The following NSD3 variants were observed in gnomAD, a reference collection of about 807,000 sequenced individuals.
The protein encoded by NSD3 is histone-lysine N-methyltransferase NSD3.
Under a neutral mutation model 160.8 loss-of-function variants are expected in NSD3, and 24 were observed. The ratio of observed to expected loss-of-function variants is 0.15; its 90% CI spans 0.11 to 0.21. The LOEUF is 0.21. Ranked by LOEUF, NSD3 falls within the 10% of genes least tolerant of loss-of-function variation. NSD3 has a pLI of 1.00. For missense variants in NSD3, 1,157 were observed against 1,735.9 expected, an observed-to-expected ratio of 0.67 and a Z score of 5.93; for synonymous variants, 520 against 600.0, an observed-to-expected ratio of 0.87 and a Z score of 1.95.
At chr8:38,286,525 CTG>C (rs2130989615) in intron 19 of NSD3, among the ~76,000 whole-genome samples, 1 of 152,304 alleles carries the variant, frequency 6.6e-6, no homozygotes, top group Admixed American at 6.5e-5. Flanking sequence ...CCCATATTAA[CTG>C]TGAGATAATA....
chr8:38,305,247 C>T lies in NSD3; in HGVS notation c.2440+1G>A. On this transcript the variant is annotated splice_donor_variant, in intron 13 of 23. Coordinates refer to ENST00000317025, the MANE Select transcript of NSD3 (RefSeq NM_023034.2). LOFTEE classifies it high-confidence loss of function. The stretch of plus-strand genomic sequence containing the variant: ...TTTGTCTCCTTCTTCAGCTGTTTTA[C>T]CTTTACTTGCTTTGTGGATATCTTT... 1 of 1,613,608 alleles carries T rather than the reference C, an allele frequency of 6.2e-7. No homozygotes were observed. The highest frequency in any genetic ancestry group is 8.5e-7 in the Non-Finnish European group (1 of 1,179,782).
intron 1 of NSD3, among the ~76,000 whole-genome samples, chr8:38,354,265 C>T (rs1810770450): frequency 6.6e-6 from 1 of 152,154 alleles, no homozygotes; most frequent in South Asian, 2.1e-4. Context: ...GACAACTGGC[C>T]TGGGCTCTTC....
chr8:38,372,890 A>G (rs529205403), intron 1 of NSD3, among the ~76,000 whole-genome samples: 1 of 149,936 alleles, frequency 6.7e-6, no homozygotes, highest in African/African-American at 2.4e-5. Flanking sequence ...GTCTCTACTA[A>G]AACTACAAAA....
rs1000431558 is a variant in NSD3 at position 38,270,684 on chromosome 8, A to T, written c.*4957T>A. 3 of 152,232 alleles carry T rather than the reference A, an allele frequency of 2.0e-5. No homozygotes were observed. Among genetic ancestry groups the T allele is most frequent in the African/African-American group, 7.2e-5 (3 of 41,458 alleles). 9.4% of individuals were successfully genotyped at this position (152,232 alleles called of 1,614,324 possible). On this transcript the variant is annotated 3_prime_UTR_variant, in exon 24 of 24. Transcript: ENST00000317025. ...AAGTGTGTTGGCAGGCAGGGAGGGG[A>T]GCAGTAAAAGCTGAGGGTGCTTTCT...
intron 7 of NSD3, among the ~76,000 whole-genome samples, chr8:38,324,390 CT>C (rs1342469737): frequency 1.3e-4 from 20 of 152,260 alleles, no homozygotes; most frequent in African/African-American, 4.8e-4. Context: ...AGCCCAAGTA[CT>C]TTTGTGAACA....
At chr8:38,302,568 T>C (rs1809301917) in intron 14 of NSD3, among the ~76,000 whole-genome samples, 1 of 152,232 alleles carries the variant, frequency 6.6e-6, no homozygotes, top group African/African-American at 2.4e-5. Flanking sequence ...TTGTTAAACA[T>C]GGGTTTTCCC....
chr8:38,321,979 C>A lies in NSD3; in HGVS notation c.1709-807G>T, dbSNP rs1039381605. 2.0e-5 allele frequency among the ~76,000 whole-genome samples: 3 copies of A among 152,168 alleles called. No homozygotes were observed. Among genetic ancestry groups the A allele is most frequent in the African/African-American group, 7.2e-5 (3 of 41,422 alleles). On this transcript the variant is annotated intron_variant, in intron 7 of 23. Transcript: ENST00000317025. This position sits in a 1 kb window ranked among gnomAD's most constrained non-coding sequence, Gnocchi z 4.7. Reference sequence around the variant, plus strand: ...GAACATTGTCAGGAATGATTTCATTCTGTGAGCCTGAGGAGGAATGATACC... The same window carrying A: ...GAACATTGTCAGGAATGATTTCATTATGTGAGCCTGAGGAGGAATGATACC...
chr8:38,298,086 T>A (rs1464002954), intron 15 of NSD3, among the ~76,000 whole-genome samples: 1 of 151,986 alleles, frequency 6.6e-6, no homozygotes, highest in East Asian at 1.9e-4. Flanking sequence ...GCAAGAAAAC[T>A]AGGATACAAG....
chr8:38,324,776 G>A (rs1230587443), intron 7 of NSD3, among the ~76,000 whole-genome samples: 4 of 152,156 alleles, frequency 2.6e-5, no homozygotes, highest in Non-Finnish European at 5.9e-5. Flanking sequence ...CCCATCCTCC[G>A]AGAAGGGGAG....
At chr8:38,372,172 A>G (rs73674155) in intron 1 of NSD3, among the ~76,000 whole-genome samples, 22 of 152,290 alleles carry the variant, frequency 1.4e-4, no homozygotes, top group African/African-American at 5.3e-4. Flanking sequence ...ATATAGACAA[A>G]TCGACATTTT....
intron 12 of NSD3, among the ~76,000 whole-genome samples, chr8:38,310,043 T>C (rs929608214): frequency 6.6e-6 from 1 of 152,224 alleles, no homozygotes; most frequent in Non-Finnish European, 1.5e-5. Context: ...ATAATTGTGG[T>C]AAAATATATA....
At chr8:38,302,543 T>C (rs1809301453) in intron 14 of NSD3, among the ~76,000 whole-genome samples, 1 of 152,232 alleles carries the variant, frequency 6.6e-6, no homozygotes, top group South Asian at 2.1e-4. Flanking sequence ...TGTTAAGATG[T>C]AAATACAGAT....
chr8:38,308,573 C>T (rs1809459807), intron 12 of NSD3, among the ~76,000 whole-genome samples: 1 of 152,138 alleles, frequency 6.6e-6, no homozygotes, highest in Non-Finnish European at 1.5e-5. Context: ...AATCCCAGCC[C>T]TTTGGGAGGC....
At chr8:38,304,056 G>C (rs1265386970) in intron 14 of NSD3, among the ~76,000 whole-genome samples, 3 of 152,206 alleles carry the variant, frequency 2.0e-5, no homozygotes, top group African/African-American at 7.2e-5. Context: ...AGCCCACATG[G>C]CTGGCTCTGA....
intron 2 of NSD3, among the ~76,000 whole-genome samples, chr8:38,344,733 T>C (rs1257117404): frequency 2.6e-5 from 4 of 152,146 alleles, no homozygotes; most frequent in Admixed American, 2.6e-4. Flanking sequence ...GACTTTTTTC[T>C]CCAGGAATAC....
At position 38,359,003 on chromosome 8, in the gene NSD3, G is replaced by A. The variant is rs147259908; in HGVS notation, c.-44-10788C>T. 7.5e-4 allele frequency among the ~76,000 whole-genome samples: 114 copies of A among 152,082 alleles called. 1 individual carries two copies. The East Asian group carries it at 0.019, about 25-fold the overall frequency. On this transcript the variant is annotated intron_variant, in intron 1 of 23. Transcript: ENST00000317025. Reference sequence around the variant, plus strand: ...CAGAAACTCTACAAAGAAAAAATGCGTAACTATAGAAGATGCTAAAATCCT... The same window carrying A: ...CAGAAACTCTACAAAGAAAAAATGCATAACTATAGAAGATGCTAAAATCCT...
intron 3 of NSD3, among the ~76,000 whole-genome samples, chr8:38,337,978 T>C (rs1810264796): frequency 6.6e-6 from 1 of 152,180 alleles, no homozygotes; most frequent in South Asian, 2.1e-4. Context: ...ATGGTTTCTG[T>C]TGCCAAATTA....
At chr8:38,343,859 T>C (rs1426056579) in intron 2 of NSD3, among the ~76,000 whole-genome samples, 23 of 152,180 alleles carry the variant, frequency 1.5e-4, no homozygotes, top group Non-Finnish European at 2.9e-5. Flanking sequence ...CTCTGCTTTT[T>C]ATAAGGGGAT....
intron 8 of NSD3, chr8:38,320,060 TA>T: frequency 6.6e-6 from 1 of 152,292 alleles, no homozygotes; most frequent in Middle Eastern, 3.4e-3. Context: ...TTTTGGAATA[TA>T]ATTTCCTAAG....
Sources: gnomAD v4.1 joint callset for allele counts (sites outside exome capture counted in the v4.1 genomes callset) on GRCh38, gnomAD v4.1.1 for gene constraint, Gnocchi (gnomAD v3.1) non-coding constraint, MANE v1.5 for transcripts, NCBI Gene and HGNC (gene_info 2026-07-23, HGNC 2026-07-21) for gene names.